Variants in UNC5D observed in about 807,000 individuals in gnomAD.
The protein encoded by UNC5D is netrin receptor UNC5D.
In UNC5D, 39 loss-of-function variants were observed where a neutral mutation model predicts 105.4. The ratio of observed to expected loss-of-function variants is 0.37; its 90% confidence interval spans 0.29 to 0.48. The LOEUF (loss-of-function observed/expected upper bound fraction) is 0.48, where lower values mean the gene tolerates loss of function less well. Ranked by LOEUF, UNC5D falls within the 20% of genes least tolerant of loss-of-function variation. UNC5D has a pLI of 0.98. For synonymous variants in UNC5D, 452 were observed against 450.4 expected (o/e 1.00, Z -0.04); for missense variants, 991 against 1,202.4 (o/e 0.82, Z 2.60).
At chr8:35,250,095 G>T (rs1005823707) in intron 1 of UNC5D, among the ~76,000 whole-genome samples, 6 of 152,096 alleles carry the variant, frequency 3.9e-5, no homozygotes, top group African/African-American at 7.2e-5. Context: ...ATTAAAAGAT[G>T]AGCCCCAAAT....
At chr8:35,438,935 A>G (rs115357904) in intron 1 of UNC5D, among the ~76,000 whole-genome samples, 2,146 of 152,144 alleles carry the variant, frequency 0.014, 61 homozygotes, top group African/African-American at 0.049. Flanking sequence ...GGCTAAGCAT[A>G]TAAGTGGAGA....
intron 6 of UNC5D, 37 bp downstream of exon 6, chr8:35,684,786 C>T: frequency 1.3e-6 from 2 of 1,569,732 alleles, no homozygotes; most frequent in Admixed American, 1.8e-5. Context: ...CCTTCTGATC[C>T]ACCAACACTA....
chr8:35,548,991 ATGTGTATCTCAGT>A (rs1217160086), intron 1 of UNC5D, among the ~76,000 whole-genome samples: 1 of 152,162 alleles, frequency 6.6e-6, no homozygotes, highest in Non-Finnish European at 1.5e-5. Context: ...CACCTCACAG[ATGTGTATCTCAGT>A]TGTTTCTGCA....
intron 1 of UNC5D, among the ~76,000 whole-genome samples, chr8:35,542,322 G>A (rs536059317): frequency 1.4e-4 from 22 of 152,268 alleles, no homozygotes; most frequent in African/African-American, 5.1e-4. Flanking sequence ...ATAAATGAAG[G>A]CAGAAAGCCT....
intron 16 of UNC5D, among the ~76,000 whole-genome samples, chr8:35,788,263 G>T (rs1239980347): frequency 6.6e-6 from 1 of 152,074 alleles, no homozygotes; most frequent in East Asian, 1.9e-4. Flanking sequence ...CTTGTCTGTA[G>T]TCTGAATGCT....
chr8:35,766,805 GTCATCA>G lies in UNC5D; in HGVS notation c.2314-81_2314-76del, dbSNP rs58870994. The G allele has an allele frequency of 9.0e-6, 12 of 1,336,178 alleles. 1 individual carries two copies. The highest frequency in any genetic ancestry group is 5.1e-4 in the Middle Eastern group (2 of 3,918). 82.8% of individuals were successfully genotyped at this position (1,336,178 alleles called of 1,614,324 possible). The stretch of plus-strand genomic sequence containing the variant: ...GATTGTCCTCATCGTTGTTGTTGTC[GTCATCA>G]TCATCATCATCATCACTATTAAGTC... On this transcript the variant is annotated intron_variant, in intron 14 of 16. Coordinates refer to ENST00000404895, the MANE Select transcript of UNC5D (RefSeq NM_080872.4).
chr8:35,553,607 G>A (rs2065511369), intron 2 of UNC5D, among the ~76,000 whole-genome samples: 1 of 152,144 alleles, frequency 6.6e-6, no homozygotes, highest in South Asian at 2.1e-4. Flanking sequence ...TGTAGTTAAT[G>A]AAAATCACTA....
chr8:35,550,756 C>G (rs1411055938), intron 2 of UNC5D, among the ~76,000 whole-genome samples: 1 of 152,054 alleles, frequency 6.6e-6, no homozygotes, highest in Non-Finnish European at 1.5e-5. Context: ...CTAACTAGGA[C>G]TATCAGTAAA....
chr8:35,459,016 C>T (rs958890190), intron 1 of UNC5D, among the ~76,000 whole-genome samples: 6 of 152,086 alleles, frequency 3.9e-5, no homozygotes, highest in Admixed American at 6.6e-5. Flanking sequence ...CTTTATTTCT[C>T]CCTTGACCTC....
At chr8:35,363,163 A>G (rs1793198282) in intron 1 of UNC5D, among the ~76,000 whole-genome samples, 1 of 152,142 alleles carries the variant, frequency 6.6e-6, no homozygotes, top group African/African-American at 2.4e-5. Flanking sequence ...TGATAAAGAC[A>G]TACCCGAGAC....
chr8:35,770,400 C>T (rs1362766197), intron 15 of UNC5D, among the ~76,000 whole-genome samples: 6 of 152,146 alleles, frequency 3.9e-5, no homozygotes, highest in Non-Finnish European at 8.8e-5. Context: ...CTTCATGCCT[C>T]TGATCTAAGT....
intron 1 of UNC5D, among the ~76,000 whole-genome samples, chr8:35,489,136 A>G (rs1811027935): frequency 1.3e-5 from 2 of 151,856 alleles, no homozygotes; most frequent in Admixed American, 1.3e-4. Flanking sequence ...CCTCCCAAGT[A>G]GCTGGGACTA....
At chr8:35,651,835 G>A (rs915646927) in intron 4 of UNC5D, among the ~76,000 whole-genome samples, 7 of 152,062 alleles carry the variant, frequency 4.6e-5, no homozygotes, top group Non-Finnish European at 8.8e-5. Flanking sequence ...TATAATTCTA[G>A]TTCATGCTCA....
At chr8:35,444,401 T>C (rs1222752384) in intron 1 of UNC5D, among the ~76,000 whole-genome samples, 2 of 152,098 alleles carry the variant, frequency 1.3e-5, no homozygotes, top group African/African-American at 4.8e-5. Flanking sequence ...AGACTTCTTT[T>C]CTTTCTTTTT....
chr8:35,361,502 T>C (rs1031539706), intron 1 of UNC5D, among the ~76,000 whole-genome samples: 6 of 152,158 alleles, frequency 3.9e-5, no homozygotes, highest in African/African-American at 1.2e-4. Context: ...TCAGAGACCA[T>C]CAGGAAGTCA....
At chr8:35,700,751 T>C (rs1827137328) in intron 7 of UNC5D, among the ~76,000 whole-genome samples, 1 of 152,196 alleles carries the variant, frequency 6.6e-6, no homozygotes, top group South Asian at 2.1e-4. Flanking sequence ...CTAATTCATA[T>C]CTGGCATGGT....
At chr8:35,395,154 C>T (rs1804019524) in intron 1 of UNC5D, among the ~76,000 whole-genome samples, 1 of 152,208 alleles carries the variant, frequency 6.6e-6, no homozygotes, top group South Asian at 2.1e-4. Flanking sequence ...TTGGGAACTT[C>T]AGGTTGGAAG....
intron 1 of UNC5D, among the ~76,000 whole-genome samples, chr8:35,496,041 G>A (rs904419968): frequency 3.9e-5 from 6 of 152,264 alleles, no homozygotes; most frequent in Admixed American, 1.3e-4. Context: ...ACTGGAATTC[G>A]GTTTTAGAAC....
chr8:35,373,035 A>T (rs758174062), intron 1 of UNC5D, among the ~76,000 whole-genome samples: 8 of 152,176 alleles, frequency 5.3e-5, no homozygotes, highest in Non-Finnish European at 1.0e-4. Context: ...ATGTAAATGG[A>T]ATCTCAGTTC....
Sources: gnomAD v4.1 joint callset for allele counts (sites outside exome capture counted in the v4.1 genomes callset) on GRCh38, gnomAD v4.1.1 for gene constraint, MANE v1.5 for transcripts, NCBI Gene and HGNC (gene_info 2026-07-23, HGNC 2026-07-21) for gene names.